Variants in NKAIN3 observed in about 807,000 individuals in gnomAD.
The protein encoded by NKAIN3 is sodium/potassium-transporting ATPase subunit beta-1-interacting protein 3.
In NKAIN3, 25 loss-of-function variants were observed where a neutral mutation model predicts 30.2. That is an observed-to-expected ratio of 0.83 (90% CI 0.60 to 1.16). The LOEUF is 1.16. Ranked by LOEUF, NKAIN3 falls within the 50% of genes most tolerant of loss-of-function variation. NKAIN3 has a pLI of 0.00. For synonymous variants in NKAIN3, 91 were observed against 89.6 expected, an observed-to-expected ratio of 1.02 and a Z score of -0.09; for missense variants, 225 against 254.1, an observed-to-expected ratio of 0.89 and a Z score of 0.78.
chr8:62,499,117 G>A (rs1247529477), intron 1 of NKAIN3, among the ~76,000 whole-genome samples: 1 of 152,162 alleles, frequency 6.6e-6, no homozygotes, highest in African/African-American at 2.4e-5. Flanking sequence ...TGTGCCATGT[G>A]ATTGGTCTAC....
chr8:62,885,858 T>C (rs1255140397), intron 4 of NKAIN3, among the ~76,000 whole-genome samples: 2 of 152,208 alleles, frequency 1.3e-5, no homozygotes, highest in Admixed American at 1.3e-4. Flanking sequence ...CATTACTTTT[T>C]ATCTGTATGT....
chr8:62,800,938 T>TA (rs1483209918), intron 4 of NKAIN3, among the ~76,000 whole-genome samples: 1 of 152,172 alleles, frequency 6.6e-6, no homozygotes, highest in Non-Finnish European at 1.5e-5. Flanking sequence ...CCAACGGGCT[T>TA]AAAAAACGGT....
At chr8:62,393,042 A>C (rs13278762) in intron 1 of NKAIN3, among the ~76,000 whole-genome samples, 63,661 of 151,412 alleles carry the variant, frequency 0.42, 15,604 homozygotes, top group Non-Finnish European at 0.54. Flanking sequence ...TTTCAGTAGA[A>C]TCGCTGGTCA....
chr8:62,412,924 A>AAAC (rs1554528217), intron 1 of NKAIN3, among the ~76,000 whole-genome samples: 3 of 126,368 alleles, frequency 2.4e-5, no homozygotes, highest in Admixed American at 7.6e-5. Context: ...AAAAAAAACA[A>AAAC]AAAAAAAAAA....
intron 1 of NKAIN3, among the ~76,000 whole-genome samples, chr8:62,530,707 C>G (rs534080543): frequency 6.6e-6 from 1 of 152,128 alleles, no homozygotes; most frequent in South Asian, 2.1e-4. Context: ...GGCATGATCT[C>G]AGCTCACTGC....
At chr8:62,657,850 GA>G (rs1359126246) in intron 3 of NKAIN3, among the ~76,000 whole-genome samples, 1 of 152,166 alleles carries the variant, frequency 6.6e-6, no homozygotes, top group Admixed American at 6.5e-5. Context: ...CTTAGAGCCT[GA>G]AGTTCCTCAT....
chr8:62,492,009 A>G (rs1355289151), intron 1 of NKAIN3, among the ~76,000 whole-genome samples: 1 of 152,176 alleles, frequency 6.6e-6, no homozygotes, highest in Non-Finnish European at 1.5e-5. Flanking sequence ...ACATTTATCA[A>G]TTGAGGAATC....
chr8:62,579,572 C>T lies in NKAIN3; in HGVS notation c.88C>T (p.Leu30Phe). The T allele has an allele frequency of 6.2e-7, 1 of 1,610,452 alleles. No homozygotes were observed. The highest frequency in any genetic ancestry group is 8.5e-7 in the Non-Finnish European group (1 of 1,178,120). ...SALERQIFDF[L>F]GFQWAPILGN... ...ATTAGAGAGGCAGATCTTTGACTTC[C>T]TTGGTTTCCAGTGGGCGCCTATTCT... is the stretch of plus-strand genomic sequence containing the variant. The change falls in exon 2 of 7, where the codon CTT (leucine) becomes TTT (phenylalanine). Residue 30 changes from leucine to phenylalanine, a missense_variant. Leu to Phe is a conservative substitution (Grantham distance 22, BLOSUM62 0). Coordinates refer to ENST00000623646, the MANE Select transcript of NKAIN3 (RefSeq NM_001304533.3).
chr8:62,373,374 T>G (rs1423801343), intron 1 of NKAIN3, among the ~76,000 whole-genome samples: 1 of 152,246 alleles, frequency 6.6e-6, no homozygotes, highest in Non-Finnish European at 1.5e-5. Flanking sequence ...AATAGCTGTA[T>G]GATTTCATAA....
intron 1 of NKAIN3, among the ~76,000 whole-genome samples, chr8:62,342,107 C>T (rs1471595647): frequency 6.6e-5 from 10 of 151,704 alleles, no homozygotes; most frequent in Admixed American, 6.6e-4. Flanking sequence ...TCTGACAATT[C>T]CTTTCTCAAT....
At chr8:62,870,846 G>A (rs898208854) in intron 4 of NKAIN3, among the ~76,000 whole-genome samples, 1 of 145,882 alleles carries the variant, frequency 6.9e-6, no homozygotes, top group Non-Finnish European at 1.5e-5. Context: ...AGAAATAGAT[G>A]TGCATTAGAG....
intron 4 of NKAIN3, among the ~76,000 whole-genome samples, chr8:62,827,600 C>A (rs533355236): frequency 6.6e-6 from 1 of 152,228 alleles, no homozygotes. Flanking sequence ...CTCTCTGACA[C>A]CTGCTCCCAA....
At chr8:62,900,072 A>G (rs1345740076) in intron 4 of NKAIN3, among the ~76,000 whole-genome samples, 5 of 152,044 alleles carry the variant, frequency 3.3e-5, no homozygotes, top group Admixed American at 6.6e-5. Flanking sequence ...TTCATGAAAA[A>G]AAGTTCTGAT....
At chr8:62,872,050 A>G (rs1820661661) in intron 4 of NKAIN3, among the ~76,000 whole-genome samples, 1 of 152,210 alleles carries the variant, frequency 6.6e-6, no homozygotes, top group African/African-American at 2.4e-5. Flanking sequence ...ATAAGTTTTG[A>G]TACACAAATA....
intron 3 of NKAIN3, among the ~76,000 whole-genome samples, chr8:62,643,740 A>G (rs1229444183): frequency 1.3e-5 from 2 of 152,146 alleles, no homozygotes; most frequent in African/African-American, 2.4e-5. Context: ...TCCTATCCAC[A>G]TTCCGAACGT....
chr8:62,636,986 A>T (rs1015349180), intron 3 of NKAIN3, among the ~76,000 whole-genome samples: 19 of 151,920 alleles, frequency 1.3e-4, no homozygotes, highest in East Asian at 3.9e-4. Flanking sequence ...TTACGTGAAA[A>T]TTTTTTTTCC....
intron 1 of NKAIN3, among the ~76,000 whole-genome samples, chr8:62,516,574 G>T (rs1689659364): frequency 6.6e-6 from 1 of 152,072 alleles, no homozygotes; most frequent in South Asian, 2.1e-4. Flanking sequence ...AAATTTATAT[G>T]TAAACTTGAG....
chr8:62,900,788 C>T (rs1014006302), intron 4 of NKAIN3, among the ~76,000 whole-genome samples: 5 of 152,148 alleles, frequency 3.3e-5, no homozygotes, highest in African/African-American at 1.2e-4. Flanking sequence ...ACCCAAGGCT[C>T]ACTCTAATAG....
intron 1 of NKAIN3, among the ~76,000 whole-genome samples, chr8:62,384,900 T>C (rs1817379099): frequency 6.6e-6 from 1 of 152,158 alleles, no homozygotes; most frequent in Admixed American, 6.6e-5. Flanking sequence ...GTATAAGATA[T>C]CATTGTAGTT....
Sources: allele counts gnomAD v4.1 joint callset (sites outside exome capture counted in the v4.1 genomes callset), GRCh38; gene constraint gnomAD v4.1.1; transcripts MANE v1.5; gene names NCBI Gene and HGNC (gene_info 2026-07-23, HGNC 2026-07-21).